DIDO1: variants seen among roughly 807,000 people sequenced by gnomAD.
DIDO1 encodes the protein death-inducer obliterator 1.
In DIDO1, 16 loss-of-function variants were observed where a neutral mutation model predicts 99.4. The observed-to-expected ratio is 0.16, with a 90% CI of 0.11 to 0.24. The LOEUF is 0.24. DIDO1 is among the 10% of genes least tolerant of loss of function. The probability of loss-of-function intolerance (pLI) is 1.00; values close to 1 mark genes in which losing one functional copy is unlikely to be tolerated. For synonymous variants in DIDO1, 1,366 were observed against 1,239.1 expected (o/e 1.10, Z -2.15); for missense variants, 2,996 against 3,014.0 (o/e 0.99, Z 0.14).
At chr20:62,935,782 A>G (rs1022989318) in intron 1 of DIDO1, among the ~76,000 whole-genome samples, 1 of 152,228 alleles carries the variant, frequency 6.6e-6, no homozygotes, top group Non-Finnish European at 1.5e-5. Context: ...GCTTTTGGAG[A>G]GATCACCCTG....
In DIDO1 at chr20:62,910,831, C is replaced by T; in HGVS notation, c.782G>A (p.Cys261Tyr). ...CAGGGCGTTGGGGTCGTAACCCTCACATTCAGGCTTCGGTCGGCCCAAGTC... is the reference window on the plus strand; with the variant it reads ...CAGGGCGTTGGGGTCGTAACCCTCATATTCAGGCTTCGGTCGGCCCAAGTC... ...PGDLGRPKPE[C>Y]EGYDPNALYC... Residue 261 changes from cysteine (C) to tyrosine (Y), a missense_variant, in exon 3 of 16, where the codon TGT becomes TAT. Physicochemically the swap from Cys to Tyr is radical, Grantham distance 194. Coordinates refer to ENST00000395343, the MANE Select transcript of DIDO1 (RefSeq NM_001193369.2). The T allele has an allele frequency of 6.2e-7, 1 of 1,614,230 alleles. No homozygotes were observed. Among genetic ancestry groups the T allele is most frequent in the Non-Finnish European group, 8.5e-7 (1 of 1,180,054 alleles).
At chr20:62,888,330 C>T in intron 15 of DIDO1, 2 of 985,532 alleles carry the variant, frequency 2.0e-6, no homozygotes, top group Non-Finnish European at 2.4e-6. Context: ...TCCTTAACAT[C>T]CCCAGGGGAA....
intron 15 of DIDO1, among the ~76,000 whole-genome samples, chr20:62,882,740 C>T (rs2064233602): frequency 6.8e-6 from 1 of 146,586 alleles, no homozygotes; most frequent in Non-Finnish European, 1.5e-5. Flanking sequence ...TCATCCCAAT[C>T]GTCTGAATTT....
intron 5 of DIDO1, among the ~76,000 whole-genome samples, 154 bp from the exon 6 acceptor site, chr20:62,906,254 C>A (rs1284842262): frequency 6.6e-6 from 1 of 152,242 alleles, no homozygotes; most frequent in Non-Finnish European, 1.5e-5. Flanking sequence ...CAGTTCAACA[C>A]ACTTGCGTAT....
At position 62,880,859 on chromosome 20, in the gene DIDO1, C is replaced by T. The variant is rs776035180; in HGVS notation, c.5097G>A (p.Gln1699=). Residue 1699 remains glutamine, a synonymous_variant, in exon 16 of 16, where the codon CAG becomes CAA. Coordinates refer to ENST00000395343, the MANE Select transcript of DIDO1 (RefSeq NM_001193369.2). ...AATGAAGATTTCTTGGGTCCTCATA[C>T]TGGGCTGAGCCGAGAGCCTTGTCCT... The part of the protein sequence containing the change: ...ASQDKALGSA[Q]YEDPRNLHSA... The T allele has an allele frequency of 3.7e-6, 6 of 1,612,708 alleles. No homozygotes were observed. The highest frequency in any genetic ancestry group is 1.6e-4 in the Middle Eastern group (1 of 6,062).
Position 62,879,908 on chromosome 20 carries a change from C to A in DIDO1, c.6048G>T (p.Pro2016=), listed in dbSNP as rs777285824. The change falls in exon 16 of 16, where the codon CCG becomes CCT. Residue 2016 remains proline, a synonymous_variant. Transcript: ENST00000395343. This position sits in a 1 kb window ranked among gnomAD's most constrained non-coding sequence, Gnocchi z 6.3. The part of the protein sequence containing the change: ...PSRFHFQGQA[P]QVMKPGPRPL... ...GCCTGGGGCCCGGCTTCATCACCTG[C>A]GGGGCCTGGCCCTGGAAGTGAAATC... The A allele has an allele frequency of 5.2e-5, 82 of 1,589,180 alleles. No individual in the cohort carries two copies. Among genetic ancestry groups the A allele is most frequent in the Non-Finnish European group, 6.5e-5 (76 of 1,170,102 alleles).
chr20:62,885,420 C>T (rs898431568), intron 15 of DIDO1, among the ~76,000 whole-genome samples: 6 of 152,202 alleles, frequency 3.9e-5, no homozygotes, highest in African/African-American at 1.2e-4. Flanking sequence ...GGTCCCGTCT[C>T]GTGGTGTGTC....
At chr20:62,901,254 T>C (rs984470552) in intron 6 of DIDO1, among the ~76,000 whole-genome samples, 3 of 152,216 alleles carry the variant, frequency 2.0e-5, no homozygotes, top group Non-Finnish European at 4.4e-5. Flanking sequence ...TTTGGAATAC[T>C]CAAAGCTTTC....
At chr20:62,908,346 G>C (rs1211382178) in intron 4 of DIDO1, among the ~76,000 whole-genome samples, 1 of 152,168 alleles carries the variant, frequency 6.6e-6, no homozygotes, top group Non-Finnish European at 1.5e-5. Context: ...CCAAGCCTCT[G>C]GAGACCACAG....
chr20:62,933,549 T>C (rs73619441), intron 1 of DIDO1, among the ~76,000 whole-genome samples: 2 of 152,116 alleles, frequency 1.3e-5, no homozygotes, highest in African/African-American at 2.4e-5. Flanking sequence ...ATGGCTGATA[T>C]CCTGGTTTTT....
intron 2 of DIDO1, among the ~76,000 whole-genome samples, chr20:62,912,104 T>G (rs920445313): frequency 1.1e-4 from 16 of 152,176 alleles, no homozygotes; most frequent in African/African-American, 3.6e-4. Context: ...CCAAGTCTGT[T>G]CTGGACTTTT....
Position 62,880,592 on chromosome 20 carries a change from A to G in DIDO1, c.5364T>C (p.Ser1788=). Residue 1788 remains serine, a synonymous_variant, in exon 16 of 16, where the codon TCT becomes TCC. Coordinates refer to ENST00000395343, the MANE Select transcript of DIDO1 (RefSeq NM_001193369.2). ...APPFPEENIA[S]NDGPRGPPPA... ...GCGGAGGCCCTCGTGGCCCATCGTTAGAAGCGATATTCTCTTCTGGAAACG... is the reference window on the plus strand; with the variant it reads ...GCGGAGGCCCTCGTGGCCCATCGTTGGAAGCGATATTCTCTTCTGGAAACG... 1 of 1,612,884 alleles carries G rather than the reference A, an allele frequency of 6.2e-7. No homozygotes were observed. Among genetic ancestry groups the G allele is most frequent in the Admixed American group, 1.7e-5 (1 of 60,032 alleles).
chr20:62,892,068 A>G lies in DIDO1; in HGVS notation c.3264T>C (p.Pro1088=). Residue 1088 remains proline, a synonymous_variant, in exon 14 of 16, where the codon CCT becomes CCC. Transcript: ENST00000395343. The part of the protein sequence containing the change: ...GCFDYLSEDL[P]DTIHIGGRIA... ...TCCTCCCACCAATGTGAATTGTGTC[A>G]GGCAAATCCTAAACAGAAAGTACTT... The G allele has an allele frequency of 1.9e-6, 3 of 1,611,444 alleles. No individual in the cohort carries two copies. Among genetic ancestry groups the G allele is most frequent in the Non-Finnish European group, 2.5e-6 (3 of 1,179,426 alleles).
chr20:62,937,322 G>A (rs548892466), intron 1 of DIDO1, among the ~76,000 whole-genome samples: 1 of 152,380 alleles, frequency 6.6e-6, no homozygotes, highest in East Asian at 1.9e-4. Context: ...CAATAAGCAA[G>A]TAAACGCGCA....
Position 62,891,971 on chromosome 20 carries a change from T to C in DIDO1, c.3345+16A>G, listed in dbSNP as rs1392403990. On this transcript the variant is annotated intron_variant, in intron 14 of 15. Coordinates refer to ENST00000395343, the MANE Select transcript of DIDO1 (RefSeq NM_001193369.2). ...CAATTTTCCATGGTTGCAGAATTTA[T>C]ACTATAAGCAGGTACCTTAGACACA... 8.2e-6 allele frequency: 13 copies of C among 1,592,652 alleles called. No individual in the cohort carries two copies. Among genetic ancestry groups the C allele is most frequent in the Non-Finnish European group, 1.1e-5 (13 of 1,172,852 alleles).
At chr20:62,936,859 C>A (rs1223548064) in intron 1 of DIDO1, among the ~76,000 whole-genome samples, 1 of 152,236 alleles carries the variant, frequency 6.6e-6, no homozygotes, top group Non-Finnish European at 1.5e-5. Flanking sequence ...GAGACTTCGT[C>A]TCAAAATAAA....
intron 1 of DIDO1, among the ~76,000 whole-genome samples, chr20:62,918,947 G>A (rs1361699837): frequency 6.6e-6 from 1 of 152,118 alleles, no homozygotes; most frequent in Non-Finnish European, 1.5e-5. Flanking sequence ...TAATGCGACA[G>A]TCACTAGGAG....
chr20:62,895,485 C>T (rs965958115), intron 8 of DIDO1, among the ~76,000 whole-genome samples: 2 of 152,136 alleles, frequency 1.3e-5, no homozygotes, highest in Non-Finnish European at 2.9e-5. Context: ...CACAACACCT[C>T]AGGAAAAACA....
intron 1 of DIDO1, among the ~76,000 whole-genome samples, chr20:62,919,063 T>C (rs1467540388): frequency 6.6e-6 from 1 of 152,152 alleles, no homozygotes; most frequent in African/African-American, 2.4e-5. Flanking sequence ...CTCCACCAGC[T>C]TGCGGCAGGA....
Sources: gnomAD v4.1 joint callset for allele counts (sites outside exome capture counted in the v4.1 genomes callset) on GRCh38, gnomAD v4.1.1 for gene constraint, Gnocchi (gnomAD v3.1) non-coding constraint, MANE v1.5 for transcripts, NCBI Gene and HGNC (gene_info 2026-07-23, HGNC 2026-07-21) for gene names.